Variants in SAMD3 observed in about 807,000 individuals in gnomAD.
The protein encoded by SAMD3 is sterile alpha motif domain-containing protein 3.
A neutral mutation model predicts 58.5 loss-of-function variants in SAMD3; 63 were observed. That is an observed-to-expected ratio of 1.08 (90% CI 0.88 to 1.33). The LOEUF is 1.33. SAMD3 is among the 40% of genes most tolerant of loss of function. The pLI, the probability that SAMD3 is intolerant of heterozygous loss-of-function variation, is 0.00. For missense variants in SAMD3, 604 were observed against 608.4 expected (o/e 0.99, Z 0.08); for synonymous variants, 220 against 210.3 (o/e 1.05, Z -0.40).
At chr6:130,243,609 G>A (rs1260585013) in intron 2 of SAMD3, among the ~76,000 whole-genome samples, 1 of 152,204 alleles carries the variant, frequency 6.6e-6, no homozygotes, top group East Asian at 1.9e-4. Flanking sequence ...TAACTATTAA[G>A]TACAGAACTA....
chr6:130,279,396 T>C (rs1418473898), intron 2 of SAMD3, among the ~76,000 whole-genome samples: 2 of 151,898 alleles, frequency 1.3e-5, no homozygotes, highest in African/African-American at 4.8e-5. Context: ...ACTCATTCTC[T>C]CTCCTGCCAC....
intron 2 of SAMD3, among the ~76,000 whole-genome samples, chr6:130,233,785 T>A (rs1796610463): frequency 6.6e-6 from 1 of 152,210 alleles, no homozygotes. Context: ...GTTTTAAAAA[T>A]TAATCTTATG....
At chr6:130,279,618 G>A (rs1774912512) in intron 2 of SAMD3, among the ~76,000 whole-genome samples, 1 of 151,024 alleles carries the variant, frequency 6.6e-6, no homozygotes, top group African/African-American at 2.4e-5. Flanking sequence ...CCAAAAAGCT[G>A]GGATTACAGG....
intron 1 of SAMD3, among the ~76,000 whole-genome samples, chr6:130,320,573 A>G (rs1394010094): frequency 1.3e-5 from 2 of 152,228 alleles, no homozygotes; most frequent in African/African-American, 2.4e-5. Flanking sequence ...AGATTTGCAC[A>G]TGAATGTTTA....
intron 2 of SAMD3, among the ~76,000 whole-genome samples, chr6:130,249,562 T>C (rs1773671272): frequency 6.6e-6 from 1 of 152,108 alleles, no homozygotes; most frequent in South Asian, 2.1e-4. Context: ...TTTTATTCTA[T>C]TATACAGAAT....
rs145902282 is a variant in SAMD3, at chr6:130,301,663, C to T, written c.-188+11315G>A. Among the ~76,000 whole-genome samples the T allele has an allele frequency of 1.5e-4, 23 of 152,288 alleles. No homozygotes were observed. In the East Asian group the frequency reaches 2.7e-3, roughly 18 times the overall value. On this transcript the variant is annotated intron_variant, in intron 2 of 13. Transcript: ENST00000368134. ...AAAAAGAACAAATCTGGAGGCATCACGTTGCCTGAGTTTAAACTATACCAT... is the reference window on the plus strand; with the variant it reads ...AAAAAGAACAAATCTGGAGGCATCATGTTGCCTGAGTTTAAACTATACCAT...
chr6:130,151,174 C>T (rs1398590359), intron 9 of SAMD3, among the ~76,000 whole-genome samples: 6 of 152,144 alleles, frequency 3.9e-5, no homozygotes, highest in Non-Finnish European at 8.8e-5. Context: ...TGTGCAGCTC[C>T]ATGAGACCTC....
chr6:130,315,839 T>A (rs1408418390), intron 1 of SAMD3, among the ~76,000 whole-genome samples: 1 of 152,214 alleles, frequency 6.6e-6, no homozygotes, highest in Non-Finnish European at 1.5e-5. Flanking sequence ...ATTAATTCTA[T>A]AACGATGAGC....
At chr6:130,234,521 T>C (rs1197371199) in intron 2 of SAMD3, among the ~76,000 whole-genome samples, 1 of 152,224 alleles carries the variant, frequency 6.6e-6, no homozygotes. Context: ...TGTATATCTC[T>C]ATTTTCATAA....
intron 4 of SAMD3, among the ~76,000 whole-genome samples, chr6:130,211,489 G>A (rs1263338717): frequency 6.6e-6 from 1 of 151,832 alleles, no homozygotes; most frequent in South Asian, 2.1e-4. Context: ...TCACCATGTT[G>A]GTCAGGCTGG....
chr6:130,167,009 C>G (rs183624033), intron 8 of SAMD3, among the ~76,000 whole-genome samples: 21 of 151,960 alleles, frequency 1.4e-4, no homozygotes, highest in African/African-American at 3.6e-4. Flanking sequence ...GATGTGCAAC[C>G]CAAAGAAAGG....
chr6:130,269,912 TC>T (rs1223201283), intron 2 of SAMD3, among the ~76,000 whole-genome samples: 1 of 152,058 alleles, frequency 6.6e-6, no homozygotes, highest in African/African-American at 2.4e-5. Flanking sequence ...CTATTGTCAT[TC>T]CTTTTTTGAT....
At chr6:130,295,286 C>T (rs769253040) in intron 2 of SAMD3, among the ~76,000 whole-genome samples, 3 of 152,132 alleles carry the variant, frequency 2.0e-5, no homozygotes, top group South Asian at 2.1e-4. Context: ...CTGGCATAAA[C>T]CTGACTCAAG....
At chr6:130,346,466 G>A (rs577484904) in intron 1 of SAMD3, among the ~76,000 whole-genome samples, 129 of 152,304 alleles carry the variant, frequency 8.5e-4, no homozygotes, top group East Asian at 5.0e-3. Context: ...ACGGAGCCTC[G>A]CTCATTGCTA....
intron 4 of SAMD3, among the ~76,000 whole-genome samples, chr6:130,213,292 A>G (rs1182249076): frequency 6.6e-6 from 1 of 151,814 alleles, no homozygotes; most frequent in Non-Finnish European, 1.5e-5. Flanking sequence ...ACTGAGACCC[A>G]TCTCTAAAAA....
chr6:130,261,426 G>T (rs1774133445), intron 2 of SAMD3, among the ~76,000 whole-genome samples: 1 of 152,224 alleles, frequency 6.6e-6, no homozygotes, highest in East Asian at 1.9e-4. Context: ...ATCACCCACG[G>T]TGTGCCTGTA....
chr6:130,347,126 G>A lies in SAMD3; in HGVS notation c.-304+17994C>T, dbSNP rs910753850. 2.0e-5 allele frequency among the ~76,000 whole-genome samples: 3 copies of A among 152,194 alleles called. No individual in the cohort carries two copies. In the South Asian group the frequency reaches 6.2e-4, roughly 32 times the overall value. On this transcript the variant is annotated intron_variant, in intron 1 of 13. Coordinates refer to the SAMD3 transcript ENST00000368134. ...AAAGGTAGATAAAACCACAAAGATG[G>A]GGAAAAAACAGAGCAGAAAAACTGG...
rs774036634 is a variant in SAMD3, at chr6:130,294,909, A to ATTT, written c.-188+18066_-188+18068dup. 3.3e-3 allele frequency among the ~76,000 whole-genome samples: 184 copies of ATTT among 56,112 alleles called. 17 individuals are homozygous for ATTT. The highest frequency in any genetic ancestry group is 4.5e-3 in the Non-Finnish European group (136 of 30,182). The allele number at this position is 56,112 out of a possible 152,430, so 36.8% of individuals were successfully genotyped here. On this transcript the variant is annotated intron_variant, in intron 2 of 13. Coordinates refer to the SAMD3 transcript ENST00000368134. ...TCTAATTTTTCCATACATTTCTCTG[A>ATTT]TTTTTTTTTTTTTTTTTTTTTTTTT...
rs549199362 is a variant in SAMD3 at position 130,157,114 on chromosome 6, A to C, written c.823-2089T>G. Among the ~76,000 whole-genome samples, 427 of 149,856 alleles carry C rather than the reference A, an allele frequency of 2.8e-3. 4 individuals are homozygous for C. Among genetic ancestry groups the C allele is most frequent in the African/African-American group, 8.4e-3 (341 of 40,492 alleles). On this transcript the variant is annotated intron_variant, in intron 8 of 11. Coordinates refer to ENST00000439090, the MANE Select transcript of SAMD3 (RefSeq NM_001017373.4). ...AAATAAATAAATAAATAAATAAATA[A>C]ATAATAAAATTACAACAGTTCCATA... is the stretch of plus-strand genomic sequence containing the variant.
Sources: allele counts gnomAD v4.1 joint callset (sites outside exome capture counted in the v4.1 genomes callset), GRCh38; gene constraint gnomAD v4.1.1; transcripts MANE v1.5; gene names NCBI Gene and HGNC (gene_info 2026-07-23, HGNC 2026-07-21).